Variants in SEMA6D observed in about 807,000 individuals in gnomAD.
SEMA6D encodes the protein semaphorin 6D.
In SEMA6D, 35 loss-of-function variants were observed where a neutral mutation model predicts 106.6. The ratio of observed to expected loss-of-function variants is 0.33; its 90% CI spans 0.25 to 0.44. SEMA6D has a LOEUF of 0.44. Ranked by LOEUF, SEMA6D falls within the 20% of genes least tolerant of loss-of-function variation. The probability of loss-of-function intolerance (pLI) is 1.00; values close to 1 mark genes in which losing one functional copy is unlikely to be tolerated. For synonymous variants in SEMA6D, 499 were observed against 487.7 expected (o/e 1.02, Z -0.31); for missense variants, 1,185 against 1,345.9 (o/e 0.88, Z 1.87).
At chr15:47,502,338 T>G (rs974486956) in intron 3 of SEMA6D, among the ~76,000 whole-genome samples, 1 of 152,112 alleles carries the variant, frequency 6.6e-6, no homozygotes, top group African/African-American at 2.4e-5. Context: ...AGAGAGAACA[T>G]AAATAAATTC....
At chr15:47,304,782 A>G (rs2036172073) in intron 1 of SEMA6D, among the ~76,000 whole-genome samples, 1 of 152,150 alleles carries the variant, frequency 6.6e-6, no homozygotes, top group Non-Finnish European at 1.5e-5. Context: ...TATCTGAGCT[A>G]CCACCTCACA....
intron 3 of SEMA6D, among the ~76,000 whole-genome samples, chr15:47,474,245 A>G (rs961566280): frequency 6.6e-6 from 1 of 152,198 alleles, no homozygotes; most frequent in Non-Finnish European, 1.5e-5. Context: ...CCACTGAGCC[A>G]TGAGGAAGAC....
chr15:47,479,233 A>G (rs1366749601), intron 3 of SEMA6D, among the ~76,000 whole-genome samples: 1 of 152,002 alleles, frequency 6.6e-6, no homozygotes, highest in Non-Finnish European at 1.5e-5. Flanking sequence ...GGGGACAAAA[A>G]TGTCCATTTT....
intron 4 of SEMA6D, among the ~76,000 whole-genome samples, chr15:47,635,823 C>T (rs1440368979): frequency 6.6e-6 from 1 of 152,076 alleles, no homozygotes; most frequent in Non-Finnish European, 1.5e-5. Flanking sequence ...GCAGTCATGT[C>T]ACCAGGTGCA....
At chr15:47,481,868 G>T (rs183458719) in intron 3 of SEMA6D, among the ~76,000 whole-genome samples, 12 of 152,258 alleles carry the variant, frequency 7.9e-5, no homozygotes, top group African/African-American at 2.9e-4. Context: ...GGATTCCTGA[G>T]GCTGGATAGA....
In SEMA6D at chr15:47,773,123, T is replaced by C. The variant is rs1166455830; in HGVS notation, c.*1338T>C. On this transcript the variant is annotated 3_prime_UTR_variant, in exon 19 of 19. Transcript: ENST00000536845. ...AGAAGTACTAAAATCTGTCAAGTGT[T>C]TTCAGTATAGCACATTATTTACTGA... The C allele has an allele frequency of 6.6e-6, 1 of 152,560 alleles. No individual in the cohort carries two copies. The highest frequency in any genetic ancestry group is 1.5e-5 in the Non-Finnish European group (1 of 68,024). The allele number at this position is 152,560 out of a possible 1,614,324, so 9.5% of individuals were successfully genotyped here. A position where few individuals can be genotyped will look rare whatever the true frequency, so the allele number is the denominator to read the frequency against.
chr15:47,400,393 G>T (rs147781025), intron 1 of SEMA6D, among the ~76,000 whole-genome samples: 2 of 149,770 alleles, frequency 1.3e-5, no homozygotes, highest in South Asian at 4.2e-4. Flanking sequence ...GGAGGCTGAG[G>T]CAGGAGAATT....
chr15:47,390,154 G>A (rs1351106543), intron 1 of SEMA6D, among the ~76,000 whole-genome samples: 1 of 152,156 alleles, frequency 6.6e-6, no homozygotes, highest in Admixed American at 6.6e-5. Flanking sequence ...TCTCAGTGGG[G>A]CTTAGCTGGA....
chr15:47,303,215 A>G (rs1256679224), intron 1 of SEMA6D, among the ~76,000 whole-genome samples: 1 of 152,208 alleles, frequency 6.6e-6, no homozygotes, highest in African/African-American at 2.4e-5. Context: ...AGTCTAAGAC[A>G]ACTGGTGAAC....
At chr15:47,188,032 G>A (rs1457942088) in intron 1 of SEMA6D, among the ~76,000 whole-genome samples, 1 of 152,102 alleles carries the variant, frequency 6.6e-6, no homozygotes, top group Non-Finnish European at 1.5e-5. Flanking sequence ...TGGTGTCTTT[G>A]CTTTGCTACA....
intron 4 of SEMA6D, among the ~76,000 whole-genome samples, chr15:47,694,622 G>C (rs1458548932): frequency 6.6e-6 from 1 of 151,966 alleles, no homozygotes; most frequent in Non-Finnish European, 1.5e-5. Context: ...CAGGCCTGTG[G>C]CTTAGCTGTG....
At chr15:47,261,449 A>G (rs150753234) in intron 1 of SEMA6D, among the ~76,000 whole-genome samples, 175 of 152,228 alleles carry the variant, frequency 1.1e-3, no homozygotes, top group African/African-American at 3.9e-3. Context: ...TTTCTGAGGT[A>G]TGTAGAATTT....
chr15:47,713,096 C>T (rs1050337335), upstream of SEMA6D, among the ~76,000 whole-genome samples: 21 of 152,244 alleles, frequency 1.4e-4, no homozygotes, highest in African/African-American at 5.1e-4. Flanking sequence ...AAGCCTTATT[C>T]TTATTTCGCT....
At position 47,517,575 on chromosome 15, in the gene SEMA6D, T is replaced by C. The variant is rs911055818; in HGVS notation, c.-87+47030T>C. Among the ~76,000 whole-genome samples the C allele has an allele frequency of 1.3e-4, 20 of 152,150 alleles. 1 individual carries two copies. The highest frequency in any genetic ancestry group is 2.6e-4 in the Non-Finnish European group (18 of 68,018). On this transcript the variant is annotated intron_variant, in intron 3 of 19. Coordinates refer to the SEMA6D transcript ENST00000558014. ...TGAAAAAACAAAGATGTCATTTTTGTTTTTGTTGGTCGTGTTGTTGCTTAT... is the reference window on the plus strand; with the variant it reads ...TGAAAAAACAAAGATGTCATTTTTGCTTTTGTTGGTCGTGTTGTTGCTTAT...
At chr15:47,556,192 A>G (rs957216776) in intron 3 of SEMA6D, among the ~76,000 whole-genome samples, 1 of 152,220 alleles carries the variant, frequency 6.6e-6, no homozygotes, top group African/African-American at 2.4e-5. Context: ...AAACAACACC[A>G]TAATAGCTTT....
intron 2 of SEMA6D, among the ~76,000 whole-genome samples, chr15:47,414,934 C>G (rs1393080496): frequency 6.6e-6 from 1 of 152,052 alleles, no homozygotes; most frequent in Non-Finnish European, 1.5e-5. Context: ...AAATGGCAGG[C>G]CTTAGTTTTT....
At chr15:47,296,082 A>G (rs2035791659) in intron 1 of SEMA6D, among the ~76,000 whole-genome samples, 1 of 152,224 alleles carries the variant, frequency 6.6e-6, no homozygotes. Context: ...AATATAAGTC[A>G]TGTATCAAGT....
chr15:47,434,699 T>G (rs1215420715), intron 2 of SEMA6D, among the ~76,000 whole-genome samples: 1 of 152,168 alleles, frequency 6.6e-6, no homozygotes, highest in Non-Finnish European at 1.5e-5. Flanking sequence ...GTACATAGAA[T>G]TCATTCTACA....
chr15:47,383,908 CA>C (rs1236664042), intron 1 of SEMA6D, among the ~76,000 whole-genome samples: 4 of 152,196 alleles, frequency 2.6e-5, no homozygotes, highest in African/African-American at 9.7e-5. Flanking sequence ...CTGTATATCT[CA>C]TGACCCAAAT....
Sources: gnomAD v4.1 joint callset for allele counts (sites outside exome capture counted in the v4.1 genomes callset) on GRCh38, gnomAD v4.1.1 for gene constraint, MANE v1.5 for transcripts, NCBI Gene and HGNC (gene_info 2026-07-23, HGNC 2026-07-21) for gene names.